The following EGFLAM variants were observed in gnomAD, a reference collection of about 807,000 sequenced individuals.
The protein encoded by EGFLAM is EGF like, fibronectin type III and laminin G domains.
In EGFLAM, 79 loss-of-function variants were observed where a neutral mutation model predicts 113.1. The ratio of observed to expected loss-of-function variants is 0.70; its 90% CI spans 0.58 to 0.84. EGFLAM has a LOEUF of 0.84. Ranked by LOEUF, EGFLAM falls within the 40% of genes least tolerant of loss-of-function variation. EGFLAM has a pLI of 0.00. For synonymous variants in EGFLAM, 504 were observed against 487.6 expected, an observed-to-expected ratio of 1.03 and a Z score of -0.44; for missense variants, 1,265 against 1,291.6, an observed-to-expected ratio of 0.98 and a Z score of 0.32.
chr5:38,294,992 T>A (rs1331013786), intron 1 of EGFLAM, among the ~76,000 whole-genome samples: 1 of 152,104 alleles, frequency 6.6e-6, no homozygotes, highest in African/African-American at 2.4e-5. Context: ...GAGTCCTAGC[T>A]AATTTTGTAT....
intron 6 of EGFLAM, among the ~76,000 whole-genome samples, chr5:38,374,482 A>G (rs1740312075): frequency 6.6e-6 from 1 of 152,026 alleles, no homozygotes; most frequent in South Asian, 2.1e-4. Flanking sequence ...GGATGGGATC[A>G]CAGAACTGGT....
At chr5:38,273,890 C>G (rs13155898) in intron 1 of EGFLAM, among the ~76,000 whole-genome samples, 1 of 151,952 alleles carries the variant, frequency 6.6e-6, no homozygotes, top group Admixed American at 6.6e-5. Flanking sequence ...AGAGATGGAG[C>G]GCTATGAACT....
At chr5:38,320,593 TA>T (rs1738712678) in intron 1 of EGFLAM, among the ~76,000 whole-genome samples, 1 of 152,160 alleles carries the variant, frequency 6.6e-6, no homozygotes, top group South Asian at 2.1e-4. Flanking sequence ...TGCCTGTGTA[TA>T]TGTGTGTCTG....
chr5:38,335,329 C>T (rs115004153), intron 1 of EGFLAM, among the ~76,000 whole-genome samples: 2,330 of 152,292 alleles, frequency 0.015, 31 homozygotes, highest in Non-Finnish European at 0.024. Context: ...TTGATAATAA[C>T]TGCAATGTCA....
rs1028465334 is a variant in EGFLAM at position 38,412,400 on chromosome 5, T to G, written c.1350-104T>G. On this transcript the variant is annotated intron_variant, in intron 10 of 21. Transcript: ENST00000322350. Reference sequence around the variant, plus strand: ...TTCATAAACATGACTCTGAACAGACTGACTCTGAAGGGAGCTGTTGACCTG... The same window carrying G: ...TTCATAAACATGACTCTGAACAGACGGACTCTGAAGGGAGCTGTTGACCTG... 3.9e-6 allele frequency: 6 copies of G among 1,551,100 alleles called. No homozygotes were observed. In the African/African-American group the frequency reaches 8.2e-5, roughly 21 times the overall value.
intron 5 of EGFLAM, among the ~76,000 whole-genome samples, chr5:38,359,770 G>A (rs1370293183): frequency 3.3e-5 from 5 of 152,182 alleles, no homozygotes; most frequent in African/African-American, 9.7e-5. Flanking sequence ...GTCAAGAAAC[G>A]TTCTCTAAAT....
At chr5:38,406,777 A>C in intron 7 of EGFLAM, 51 bp from the exon 8 acceptor site, 3 of 1,541,788 alleles carry the variant, frequency 1.9e-6, no homozygotes, top group Non-Finnish European at 2.7e-6. Flanking sequence ...AAAACAGTCC[A>C]ATTGCCATGC....
chr5:38,418,157 G>A lies in EGFLAM; in HGVS notation c.1586G>A (p.Arg529Gln), dbSNP rs143158223. 1.1e-4 allele frequency: 173 copies of A among 1,614,178 alleles called. No individual in the cohort carries two copies. The African/African-American group carries it at 2.0e-3, about 19-fold the overall frequency. The change falls in exon 12 of 22, where the codon CGA becomes CAA. Residue 529 changes from arginine to glutamine, a missense_variant. Coordinates refer to ENST00000322350, the MANE Select transcript of EGFLAM (RefSeq NM_152403.4). Reference protein sequence around the residue: ...YWLVRATGTNRGFQGCVQSLA... With the variant: ...YWLVRATGTNQGFQGCVQSLA... ...TTGGTTAGAGCAACAGGGACAAACC[G>A]AGGCTTTCAAGGCTGTGTGCAGTCG...
In EGFLAM at chr5:38,448,385, A is replaced by G. The variant is rs545809777; in HGVS notation, c.2543+6A>G. ...AACCCAGATATCTTGAAGAGGTAATAAGCTTCAACAGGCACCTTCCTCAGC... is the reference window on the plus strand; with the variant it reads ...AACCCAGATATCTTGAAGAGGTAATGAGCTTCAACAGGCACCTTCCTCAGC... On this transcript the variant is annotated splice_donor_region_variant and intron_variant, in intron 18 of 21. Transcript: ENST00000322350. The G allele has an allele frequency of 1.2e-6, 2 of 1,614,018 alleles. No individual in the cohort carries two copies. Among genetic ancestry groups the G allele is most frequent in the Admixed American group, 1.7e-5 (1 of 60,010 alleles).
intron 19 of EGFLAM, among the ~76,000 whole-genome samples, chr5:38,457,203 GCTCACCCTACT>G (rs1348494244): frequency 6.6e-6 from 1 of 152,156 alleles, no homozygotes; most frequent in Admixed American, 6.5e-5. Flanking sequence ...TCTCTCTGGG[GCTCACCCTACT>G]CTGCAATGTT....
At chr5:38,454,524 A>G (rs1464396156) in intron 19 of EGFLAM, among the ~76,000 whole-genome samples, 1 of 152,220 alleles carries the variant, frequency 6.6e-6, no homozygotes, top group Non-Finnish European at 1.5e-5. Flanking sequence ...TTGCTCAAGC[A>G]TTTTCTGAGT....
chr5:38,441,099 C>T (rs538424448), intron 17 of EGFLAM, among the ~76,000 whole-genome samples: 1 of 152,252 alleles, frequency 6.6e-6, no homozygotes, highest in East Asian at 1.9e-4. Context: ...AGAGCCTGAC[C>T]CAGACCAAGG....
chr5:38,422,845 G>A (rs1028641775), intron 12 of EGFLAM, among the ~76,000 whole-genome samples: 11 of 152,084 alleles, frequency 7.2e-5, no homozygotes, highest in African/African-American at 2.4e-4. Context: ...CCAGCTCCAG[G>A]CAGAGGCTAG....
intron 5 of EGFLAM, among the ~76,000 whole-genome samples, chr5:38,369,649 AG>A (rs1401982190): frequency 6.6e-6 from 1 of 152,238 alleles, no homozygotes; most frequent in Non-Finnish European, 1.5e-5. Flanking sequence ...GCAGCTAGTA[AG>A]TAGGAGAGTC....
chr5:38,459,096 G>T (rs1055862669), intron 20 of EGFLAM, among the ~76,000 whole-genome samples: 1 of 152,052 alleles, frequency 6.6e-6, no homozygotes, highest in African/African-American at 2.4e-5. Flanking sequence ...GAGTACAGTG[G>T]TGTCATCATG....
intron 1 of EGFLAM, among the ~76,000 whole-genome samples, chr5:38,265,335 T>C (rs1359382618): frequency 6.6e-6 from 1 of 152,218 alleles, no homozygotes; most frequent in Non-Finnish European, 1.5e-5. Context: ...AGGGCTATCC[T>C]GTGGCTACCT....
intron 1 of EGFLAM, among the ~76,000 whole-genome samples, chr5:38,318,327 T>C (rs1738654165): frequency 6.6e-6 from 1 of 151,316 alleles, no homozygotes; most frequent in African/African-American, 2.4e-5. Context: ...TATTATACTA[T>C]CTGACTATAG....
At chr5:38,320,728 A>T (rs1295561810) in intron 1 of EGFLAM, among the ~76,000 whole-genome samples, 1 of 151,930 alleles carries the variant, frequency 6.6e-6, no homozygotes, top group African/African-American at 2.4e-5. Context: ...CCAACCTGGG[A>T]CCCCTCTGGG....
Position 38,448,325 on chromosome 5 carries a change from C to G in EGFLAM, c.2489C>G (p.Pro830Arg). 1 of 1,614,098 alleles carries G rather than the reference C, an allele frequency of 6.2e-7. No individual in the cohort carries two copies. The highest frequency in any genetic ancestry group is 1.3e-5 in the African/African-American group (1 of 75,018). Residue 830 changes from proline (P) to arginine (R), a missense_variant, in exon 18 of 22, where the codon CCG becomes CGG. By Grantham distance (103) the Pro-to-Arg change is moderately radical. Coordinates refer to ENST00000322350, the MANE Select transcript of EGFLAM (RefSeq NM_152403.4). Reference sequence around the variant, plus strand: ...GCGATCATAGAAGCCATTGAGATCCCGCAGTTTATCGGCCGCAGTTACCTG... The same window carrying G: ...GCGATCATAGAAGCCATTGAGATCCGGCAGTTTATCGGCCGCAGTTACCTG... Reference protein sequence around the residue: ...QKAIIEAIEIPQFIGRSYLTY... With the variant: ...QKAIIEAIEIRQFIGRSYLTY...
Sources: gnomAD v4.1 joint callset for allele counts (sites outside exome capture counted in the v4.1 genomes callset) on GRCh38, gnomAD v4.1.1 for gene constraint, MANE v1.5 for transcripts, NCBI Gene and HGNC (gene_info 2026-07-23, HGNC 2026-07-21) for gene names.